The following DISC1 variants were observed in gnomAD, a reference collection of about 807,000 sequenced individuals.
DISC1 encodes disrupted in schizophrenia 1 protein.
Under a neutral mutation model 84.5 loss-of-function variants are expected in DISC1, and 57 were observed. That is an observed-to-expected ratio of 0.67 (90% CI 0.55 to 0.84). DISC1 has a LOEUF of 0.84. Ranked by LOEUF, DISC1 falls within the 40% of genes least tolerant of loss-of-function variation. The pLI is 0.00. For missense variants in DISC1, 1,000 were observed against 1,057.8 expected (o/e 0.95, Z 0.76); for synonymous variants, 411 against 415.2 (o/e 0.99, Z 0.12).
intron 3 of DISC1, among the ~76,000 whole-genome samples, chr1:231,737,477 A>G (rs2072661366): frequency 1.3e-5 from 2 of 152,240 alleles, no homozygotes; most frequent in Non-Finnish European, 2.9e-5. Flanking sequence ...CACATTAACA[A>G]TGTCTAGAGA....
intron 7 of DISC1, among the ~76,000 whole-genome samples, chr1:231,795,810 A>C (rs1199992653): frequency 6.6e-6 from 1 of 151,958 alleles, no homozygotes; most frequent in East Asian, 1.9e-4. Context: ...AATTGCTTTA[A>C]CCCAGGTGGT....
In DISC1 at chr1:232,031,252, A is replaced by AG. The variant is rs1442356255; in HGVS notation, c.2425+4702dup. On this transcript the variant is annotated intron_variant, in intron 12 of 12. Transcript: ENST00000439617. This position sits in a 1 kb window ranked among gnomAD's most constrained non-coding sequence, Gnocchi z 4.6. ...GAGAGAGAAAGAGAGGAAGGAAGGA[A>AG]GGAGAAAGAAAGATAAAGAAAGAAA... Among the ~76,000 whole-genome samples, 1 of 149,444 alleles carries AG rather than the reference A, an allele frequency of 6.7e-6. No homozygotes were observed. Among genetic ancestry groups the AG allele is most frequent in the Non-Finnish European group, 1.5e-5 (1 of 67,192 alleles).
At chr1:231,674,519 A>C (rs1408637303) in intron 1 of DISC1, among the ~76,000 whole-genome samples, 1 of 152,254 alleles carries the variant, frequency 6.6e-6, no homozygotes, top group Non-Finnish European at 1.5e-5. Context: ...ATTTGAATAC[A>C]AAGAAAATAT....
intron 10 of DISC1, among the ~76,000 whole-genome samples, chr1:231,967,335 C>A (rs997269637): frequency 6.6e-6 from 1 of 152,226 alleles, no homozygotes; most frequent in Non-Finnish European, 1.5e-5. Context: ...GTTTCCAAAA[C>A]AGGTGCACAC....
intron 1 of DISC1, among the ~76,000 whole-genome samples, chr1:231,683,579 C>T (rs200033391): frequency 1.3e-5 from 2 of 150,860 alleles, no homozygotes; most frequent in Non-Finnish European, 2.9e-5. Flanking sequence ...TATTCTGTGA[C>T]CAACCCTTCT....
intron 9 of DISC1, among the ~76,000 whole-genome samples, chr1:231,886,901 A>T (rs1558692696): frequency 7.3e-6 from 1 of 137,784 alleles, no homozygotes; most frequent in Non-Finnish European, 1.5e-5. Flanking sequence ...TTGCTCTATC[A>T]CCTAGGCTGG....
At chr1:231,864,417 A>G (rs2084901549) in intron 9 of DISC1, among the ~76,000 whole-genome samples, 1 of 152,088 alleles carries the variant, frequency 6.6e-6, no homozygotes, top group African/African-American at 2.4e-5. Flanking sequence ...TAATCCCAGC[A>G]CTTTGGGAGG....
Position 231,694,411 on chromosome 1 carries a change from G to T in DISC1, c.653G>T (p.Gly218Val). The stretch of plus-strand genomic sequence containing the variant: ...TTTAGCTTTATTCGGCTCTCGCTTG[G>T]CTCTGCCGGGGAACGTGGAGAAGCA... Reference protein sequence around the residue: ...SSFSFIRLSLGSAGERGEAEG... With the variant: ...SSFSFIRLSLVSAGERGEAEG... The change falls in exon 2 of 13, where the codon GGC becomes GTC. Residue 218 changes from glycine to valine, a missense_variant. By Grantham distance (109) the Gly-to-Val change is moderately radical. Around this residue, in one of 3 missense-constraint regions of DISC1, gnomAD observed 311 missense variants for 400.1 expected, o/e 0.78. Coordinates refer to ENST00000439617, the MANE Select transcript of DISC1 (RefSeq NM_018662.3). 6.2e-7 allele frequency: 1 copy of T among 1,614,254 alleles called. No individual in the cohort carries two copies. Among genetic ancestry groups the T allele is most frequent in the Non-Finnish European group, 8.5e-7 (1 of 1,180,050 alleles).
chr1:231,795,141 A>G lies in DISC1; in HGVS notation c.1635-101A>G, dbSNP rs1302218550. On this transcript the variant is annotated intron_variant, in intron 6 of 12. Transcript: ENST00000439617. ...TCTTTCCTCCTGCACTTCTTCGTCC[A>G]TCAGACCAGTGGAAGGTTCACTTTT... 4 of 1,146,420 alleles carry G rather than the reference A, an allele frequency of 3.5e-6. No individual in the cohort carries two copies. The East Asian group carries it at 9.4e-5, about 27-fold the overall frequency. 71.0% of individuals were successfully genotyped at this position (1,146,420 alleles called of 1,614,324 possible). A position where few individuals can be genotyped will look rare whatever the true frequency, so the allele number is the denominator to read the frequency against.
chr1:231,868,692 T>TTTTATATATATATATATATATATATATA (rs2085227096), intron 9 of DISC1, among the ~76,000 whole-genome samples: 3 of 108,842 alleles, frequency 2.8e-5, no homozygotes, highest in Non-Finnish European at 5.7e-5. Context: ...ACCCCATCTC[T>TTTTATATATATATATATATATATATATA]TATATATATA....
At chr1:231,797,090 G>A (rs2078823136) in intron 7 of DISC1, among the ~76,000 whole-genome samples, 2 of 152,078 alleles carry the variant, frequency 1.3e-5, no homozygotes, top group South Asian at 4.1e-4. Flanking sequence ...GACTGTCTTG[G>A]GTCTGAGTTT....
intron 6 of DISC1, among the ~76,000 whole-genome samples, chr1:231,776,270 A>G (rs1483095907): frequency 2.0e-5 from 3 of 152,184 alleles, no homozygotes; most frequent in Non-Finnish European, 2.9e-5. Context: ...ATTCTTTAGA[A>G]ATGCTTGACT....
At chr1:231,886,269 T>A (rs1031529490) in intron 9 of DISC1, among the ~76,000 whole-genome samples, 2 of 152,226 alleles carry the variant, frequency 1.3e-5, no homozygotes, top group African/African-American at 4.8e-5. Context: ...ATGAGTAATA[T>A]CCGCATAGTG....
chr1:231,991,388 C>T lies in DISC1; in HGVS notation c.2043-17397C>T, dbSNP rs539831403. 9.8e-5 allele frequency among the ~76,000 whole-genome samples: 15 copies of T among 152,344 alleles called. No homozygotes were observed. In the South Asian group the frequency reaches 1.9e-3, roughly 19 times the overall value. On this transcript the variant is annotated intron_variant, in intron 10 of 12. Transcript: ENST00000439617. ...AGGGGATAAGCTGAGAGGCAATTTA[C>T]GAGGAGTGCTCTCTCCTTGTCTTGC...
intron 3 of DISC1, among the ~76,000 whole-genome samples, chr1:231,712,776 G>A (rs2068045033): frequency 6.6e-6 from 1 of 152,210 alleles, no homozygotes; most frequent in Admixed American, 6.5e-5. Flanking sequence ...TGGAAAAATG[G>A]CAGGCATTGC....
At chr1:231,891,040 T>C (rs1488716470) in intron 9 of DISC1, among the ~76,000 whole-genome samples, 1 of 152,186 alleles carries the variant, frequency 6.6e-6, no homozygotes, top group East Asian at 1.9e-4. Context: ...ACGCTCCCAC[T>C]GAGTTACTCA....
intron 10 of DISC1, among the ~76,000 whole-genome samples, chr1:231,983,629 A>AGGGTTGG (rs1359850853): frequency 2.4e-4 from 4 of 16,802 alleles, no homozygotes; most frequent in African/African-American, 9.8e-4. Context: ...GTTGGGGGGA[A>AGGGTTGG]GGGTTGGGGG....
intron 3 of DISC1, among the ~76,000 whole-genome samples, chr1:231,704,018 C>T (rs930403784): frequency 6.6e-6 from 1 of 152,210 alleles, no homozygotes; most frequent in African/African-American, 2.4e-5. Flanking sequence ...GAAATCTGTG[C>T]AGCAGACAAG....
At chr1:231,819,772 C>T (rs1044727158) in intron 9 of DISC1, among the ~76,000 whole-genome samples, 3 of 151,940 alleles carry the variant, frequency 2.0e-5, no homozygotes, top group South Asian at 2.1e-4. Context: ...AATGTATAAA[C>T]GATGGAAACT....
Sources: allele counts gnomAD v4.1 joint callset (sites outside exome capture counted in the v4.1 genomes callset), GRCh38; gene constraint gnomAD v4.1.1; regional missense constraint gnomAD v4.1.1; non-coding constraint Gnocchi (gnomAD v3.1); transcripts MANE v1.5; gene names NCBI Gene and HGNC (gene_info 2026-07-23, HGNC 2026-07-21).